Variants in CASQ2 observed in about 807,000 individuals in gnomAD.
CASQ2 encodes the protein calsequestrin-2.
Under a neutral mutation model 46.5 loss-of-function variants are expected in CASQ2, and 49 were observed. The ratio of observed to expected loss-of-function variants is 1.05; its 90% CI spans 0.84 to 1.34. The LOEUF is 1.34. Among genes scored for constraint, CASQ2 ranks in the 40% most tolerant of loss-of-function variants. The pLI is 0.00. For missense variants in CASQ2, 486 were observed against 481.3 expected (o/e 1.01, Z -0.09); for synonymous variants, 174 against 168.5 (o/e 1.03, Z -0.25).
At position 115,724,622 on chromosome 1, in the gene CASQ2, T is replaced by A. The variant is rs569183793; in HGVS notation, c.783+886A>T. ...TTGGGGGTTTATCTCCAAGGCCCTC[T>A]ATCTAACACTGTTTGAGCTGCCTGA... is the stretch of plus-strand genomic sequence containing the variant. On this transcript the variant is annotated intron_variant, in intron 7 of 10. Transcript: ENST00000261448. Among the ~76,000 whole-genome samples, 160 of 152,356 alleles carry A rather than the reference T, an allele frequency of 1.1e-3. 1 individual carries two copies. The highest frequency in any genetic ancestry group is 3.8e-3 in the African/African-American group (158 of 41,598).
intron 1 of CASQ2, among the ~76,000 whole-genome samples, chr1:115,751,320 C>T (rs1018401019): frequency 6.6e-6 from 1 of 152,014 alleles, no homozygotes; most frequent in Non-Finnish European, 1.5e-5. Flanking sequence ...ATGTGTAAGA[C>T]ACGTGTCAGC....
intron 1 of CASQ2, among the ~76,000 whole-genome samples, chr1:115,761,322 G>A (rs554011681): frequency 1.2e-4 from 16 of 134,178 alleles, no homozygotes; most frequent in South Asian, 2.4e-4. Flanking sequence ...GCTTGAACCC[G>A]GAAGGAGGAG....
At chr1:115,725,586 A>G in intron 6 of CASQ2, 33 bp from the exon 7 acceptor site, 3 of 1,550,728 alleles carry the variant, frequency 1.9e-6, no homozygotes, top group Non-Finnish European at 2.6e-6. Flanking sequence ...AAAAAGAAAG[A>G]GCTTCCTTGA....
chr1:115,752,923 C>T lies in CASQ2; in HGVS notation c.235-8011G>A, dbSNP rs142797791. 2.2e-3 allele frequency among the ~76,000 whole-genome samples: 342 copies of T among 152,266 alleles called. 1 individual carries two copies. Among genetic ancestry groups the T allele is most frequent in the African/African-American group, 7.8e-3 (325 of 41,556 alleles). On this transcript the variant is annotated intron_variant, in intron 1 of 10. Coordinates refer to ENST00000261448, the MANE Select transcript of CASQ2 (RefSeq NM_001232.4). ...AGTGTCAGTGGGAGAAAAAGTGACACGTGCAGGTGGTGCTACAAGTTGAGA... is the reference window on the plus strand; with the variant it reads ...AGTGTCAGTGGGAGAAAAAGTGACATGTGCAGGTGGTGCTACAAGTTGAGA...
intron 8 of CASQ2, among the ~76,000 whole-genome samples, chr1:115,713,478 C>T (rs1231204694): frequency 6.6e-6 from 1 of 152,130 alleles, no homozygotes; most frequent in African/African-American, 2.4e-5. Context: ...GGTGGGAGTA[C>T]AGGGTTGCTG....
At chr1:115,759,743 T>A (rs1414395578) in intron 1 of CASQ2, among the ~76,000 whole-genome samples, 5 of 152,242 alleles carry the variant, frequency 3.3e-5, no homozygotes, top group Non-Finnish European at 7.3e-5. Context: ...TGAGAAGCTT[T>A]CCCATGGTTT....
At chr1:115,767,467 A>G (rs1453820792) in intron 1 of CASQ2, among the ~76,000 whole-genome samples, 1 of 152,164 alleles carries the variant, frequency 6.6e-6, no homozygotes, top group East Asian at 1.9e-4. Context: ...TAATTCTCAA[A>G]TATCCCTTTC....
chr1:115,716,770 TTCTC>T (rs1654713778), intron 8 of CASQ2, among the ~76,000 whole-genome samples: 1 of 152,212 alleles, frequency 6.6e-6, no homozygotes, highest in Admixed American at 6.5e-5. Context: ...TCTGGCCCAC[TTCTC>T]TTCACTGTGT....
chr1:115,713,997 C>T (rs755310782), intron 8 of CASQ2, among the ~76,000 whole-genome samples: 27 of 152,118 alleles, frequency 1.8e-4, no homozygotes, highest in Non-Finnish European at 3.5e-4. Context: ...GAAGGAGGAT[C>T]GAATGATCAC....
chr1:115,766,862 A>AGAT (rs1557809043), intron 1 of CASQ2, among the ~76,000 whole-genome samples: 1 of 142,298 alleles, frequency 7.0e-6, no homozygotes, highest in East Asian at 2.1e-4. Flanking sequence ...GGGGAGCTAG[A>AGAT]GATGATAGAT....
intron 1 of CASQ2, among the ~76,000 whole-genome samples, chr1:115,751,561 A>G (rs1230192316): frequency 6.6e-6 from 1 of 151,976 alleles, no homozygotes; most frequent in Non-Finnish European, 1.5e-5. Flanking sequence ...AGTCCCAGCT[A>G]CTCGGGAGAC....
intron 3 of CASQ2, 24 bp downstream of exon 3, chr1:115,740,704 G>A: frequency 7.0e-7 from 1 of 1,420,772 alleles, no homozygotes; most frequent in Non-Finnish European, 1.0e-6. Flanking sequence ...GCTCCATGCA[G>A]GGTCACTGTG....
chr1:115,767,177 C>T lies in CASQ2; in HGVS notation c.234+1131G>A, dbSNP rs375369440. Among the ~76,000 whole-genome samples the T allele has an allele frequency of 8.5e-5, 13 of 152,198 alleles. No homozygotes were observed. The South Asian group carries it at 1.5e-3, about 17-fold the overall frequency. On this transcript the variant is annotated intron_variant, in intron 1 of 10. Coordinates refer to ENST00000261448, the MANE Select transcript of CASQ2 (RefSeq NM_001232.4). Reference sequence around the variant, plus strand: ...TAAGCAGCAGCTAAGTTCTATGTCTCGTTCTTTTCCAGCCTGTGATTTGCT... The same window carrying T: ...TAAGCAGCAGCTAAGTTCTATGTCTTGTTCTTTTCCAGCCTGTGATTTGCT...
At chr1:115,752,349 C>T (rs976512668) in intron 1 of CASQ2, among the ~76,000 whole-genome samples, 12 of 152,274 alleles carry the variant, frequency 7.9e-5, no homozygotes, top group Admixed American at 2.0e-4. Context: ...TCTATGTCCA[C>T]GTCTGTTTTT....
chr1:115,757,675 C>T (rs926770048), intron 1 of CASQ2, among the ~76,000 whole-genome samples: 1 of 152,006 alleles, frequency 6.6e-6, no homozygotes, highest in Admixed American at 6.6e-5. Flanking sequence ...GAGGCTTCTG[C>T]CCACGTGCAT....
intron 5 of CASQ2, among the ~76,000 whole-genome samples, chr1:115,729,391 G>A (rs1647712711): frequency 6.6e-6 from 1 of 152,088 alleles, no homozygotes; most frequent in Non-Finnish European, 1.5e-5. Flanking sequence ...TGGATGGTAA[G>A]GACTGAAGGG....
At chr1:115,744,157 A>G (rs1648302110) in intron 2 of CASQ2, among the ~76,000 whole-genome samples, 1 of 150,730 alleles carries the variant, frequency 6.6e-6, no homozygotes. Flanking sequence ...AAAAAAAAAA[A>G]GAAAAAAAGA....
chr1:115,717,784 A>G, intron 8 of CASQ2, 56 bp downstream of exon 8: 1 of 1,268,688 alleles, frequency 7.9e-7, no homozygotes, highest in South Asian at 1.2e-5. Flanking sequence ...GGGCTGGCAA[A>G]GGTGAGAAAT....
intron 8 of CASQ2, among the ~76,000 whole-genome samples, chr1:115,714,048 G>T (rs1017120147): frequency 6.6e-6 from 1 of 152,178 alleles, no homozygotes; most frequent in Non-Finnish European, 1.5e-5. Flanking sequence ...GCCACTCAGA[G>T]TTGCTAACCT....
Sources: gnomAD v4.1 joint callset for allele counts (sites outside exome capture counted in the v4.1 genomes callset) on GRCh38, gnomAD v4.1.1 for gene constraint, MANE v1.5 for transcripts, NCBI Gene and HGNC (gene_info 2026-07-23, HGNC 2026-07-21) for gene names.